Variants in MALRD1 observed in about 807,000 individuals in gnomAD.
MALRD1 encodes MAM and LDL receptor class A domain containing 1, also known as MAM and LDL-receptor class A domain-containing protein 1.
In MALRD1, 247 loss-of-function variants were observed where a neutral mutation model predicts 242.1. That is an observed-to-expected ratio of 1.02 (90% CI 0.92 to 1.13). The LOEUF is 1.13. MALRD1 is among the 50% of genes most tolerant of loss of function. The pLI is 0.00. For synonymous variants in MALRD1, 995 were observed against 866.6 expected (o/e 1.15, Z -2.60); for missense variants, 2,989 against 2,533.1 (o/e 1.18, Z -3.86).
rs1197670439 is a variant in MALRD1 at position 19,065,287 on chromosome 10, CAAAAAA to C, written c.200-1415_200-1410del. On this transcript the variant is annotated intron_variant, in intron 1 of 39. Transcript: ENST00000454679. ...GGGCAACAAGAGCAAAACGCTGTCT[CAAAAAA>C]AAAAAAAAAAAAAAAAGGAAGAAAG... Among the ~76,000 whole-genome samples, 4 of 50,632 alleles carry C rather than the reference CAAAAAA, an allele frequency of 7.9e-5. No individual in the cohort carries two copies. The South Asian group carries it at 3.4e-3, about 43-fold the overall frequency. The allele number at this position is 50,632 out of a possible 152,430, so 33.2% of individuals were successfully genotyped here. A position where few individuals can be genotyped will look rare whatever the true frequency, so the allele number is the denominator to read the frequency against.
intron 4 of MALRD1, among the ~76,000 whole-genome samples, chr10:19,099,030 C>T (rs1467467481): frequency 6.6e-6 from 1 of 152,132 alleles, no homozygotes; most frequent in Admixed American, 6.5e-5. Context: ...TTTTATTATG[C>T]AAATGGGTTC....
intron 21 of MALRD1, among the ~76,000 whole-genome samples, chr10:19,312,051 G>A (rs1842448554): frequency 1.3e-5 from 2 of 151,316 alleles, no homozygotes; most frequent in Non-Finnish European, 3.0e-5. Context: ...AGTTGCTGAT[G>A]AGCAAAGCTG....
intron 19 of MALRD1, among the ~76,000 whole-genome samples, chr10:19,258,265 T>C (rs1325384156): frequency 3.9e-5 from 6 of 152,104 alleles, no homozygotes; most frequent in African/African-American, 1.4e-4. Context: ...TTCCCCTAAC[T>C]CCAGACTCAT....
chr10:19,066,128 A>G (rs1202523852), intron 1 of MALRD1, among the ~76,000 whole-genome samples: 1 of 152,240 alleles, frequency 6.6e-6, no homozygotes, highest in African/African-American at 2.4e-5. Flanking sequence ...TCATCTTTAG[A>G]CAATTTACAA....
rs1465926142 is a variant in MALRD1, at chr10:19,283,576, C to A, written c.3419+395C>A. Among the ~76,000 whole-genome samples the A allele has an allele frequency of 2.6e-5, 4 of 152,192 alleles. No homozygotes were observed. The East Asian group carries it at 7.7e-4, about 29-fold the overall frequency. On this transcript the variant is annotated intron_variant, in intron 21 of 39. Coordinates refer to ENST00000454679, the MANE Select transcript of MALRD1 (RefSeq NM_001142308.3). ...TTCTTCAGCCTCCCTTTTTTCCCCT[C>A]CCCTTTCCCCTTTCTGTCTTCCTAC...
chr10:19,221,692 T>A (rs1837560975), intron 18 of MALRD1, among the ~76,000 whole-genome samples: 1 of 152,116 alleles, frequency 6.6e-6, no homozygotes, highest in Non-Finnish European at 1.5e-5. Flanking sequence ...TAAAGTCCTG[T>A]TAGACTTGTC....
intron 31 of MALRD1, among the ~76,000 whole-genome samples, chr10:19,498,895 C>A (rs1033466966): frequency 6.6e-6 from 1 of 152,102 alleles, no homozygotes; most frequent in Admixed American, 6.5e-5. Context: ...ACTCACTCTA[C>A]CCTAAGGGTG....
In MALRD1 at chr10:19,391,251, C is replaced by G. The variant is rs144061000; in HGVS notation, c.4845+1642C>G. ...ACACACACAAACATACACACACACACACTTAAAAAGTATATGCCTGTACTT... is the reference window on the plus strand; with the variant it reads ...ACACACACAAACATACACACACACAGACTTAAAAAGTATATGCCTGTACTT... On this transcript the variant is annotated intron_variant, in intron 28 of 39. Transcript: ENST00000454679. 3.2e-3 allele frequency among the ~76,000 whole-genome samples: 490 copies of G among 152,258 alleles called. 3 individuals carry two copies. The highest frequency in any genetic ancestry group is 0.011 in the African/African-American group (459 of 41,550).
chr10:19,590,264 A>G (rs1837695104), intron 33 of MALRD1, among the ~76,000 whole-genome samples: 1 of 148,422 alleles, frequency 6.7e-6, no homozygotes, highest in Non-Finnish European at 1.5e-5. Context: ...TATATAATAT[A>G]TGTATATATA....
intron 35 of MALRD1, 25 bp from the exon 36 acceptor site, chr10:19,615,832 G>C: frequency 6.8e-7 from 1 of 1,479,354 alleles, no homozygotes; most frequent in Non-Finnish European, 9.1e-7. Context: ...TAATTAACTG[G>C]TGTCTTTGTG....
intron 29 of MALRD1, among the ~76,000 whole-genome samples, chr10:19,464,143 T>C (rs899132360): frequency 1.1e-4 from 17 of 152,132 alleles, no homozygotes; most frequent in African/African-American, 4.1e-4. Context: ...ATTGTGAAGA[T>C]TTTTCTCCCA....
chr10:19,078,026 A>G (rs1835370576), intron 2 of MALRD1, among the ~76,000 whole-genome samples: 1 of 151,928 alleles, frequency 6.6e-6, no homozygotes, highest in Non-Finnish European at 1.5e-5. Context: ...ATGAAGATTT[A>G]ATGAGATAAT....
At chr10:19,049,288 G>C (rs1306420900) in intron 1 of MALRD1, among the ~76,000 whole-genome samples, 151 bp downstream of exon 1, 1 of 132,946 alleles carries the variant, frequency 7.5e-6, no homozygotes, top group Non-Finnish European at 1.7e-5. Flanking sequence ...AAGATATATT[G>C]TTTACTAAAG....
At chr10:19,714,721 G>A (rs1307049402) in intron 38 of MALRD1, among the ~76,000 whole-genome samples, 1 of 152,106 alleles carries the variant, frequency 6.6e-6, no homozygotes, top group East Asian at 1.9e-4. Context: ...GATGATAAAA[G>A]ACGGGAATCA....
chr10:19,048,351 A>G (rs577068556), upstream of MALRD1, among the ~76,000 whole-genome samples: 1 of 152,238 alleles, frequency 6.6e-6, no homozygotes, highest in Non-Finnish European at 1.5e-5. Flanking sequence ...ACTAGCACCC[A>G]TGGGCTATAG....
chr10:19,201,797 G>A (rs934400708), intron 14 of MALRD1, among the ~76,000 whole-genome samples: 4 of 151,790 alleles, frequency 2.6e-5, no homozygotes, highest in African/African-American at 7.3e-5. Flanking sequence ...TTGCTTTACC[G>A]AAGATTTCTA....
At chr10:19,247,051 G>C (rs1839087746) in intron 18 of MALRD1, among the ~76,000 whole-genome samples, 1 of 152,034 alleles carries the variant, frequency 6.6e-6, no homozygotes, top group Admixed American at 6.6e-5. Flanking sequence ...TATGATGAAA[G>C]ATGTTTAGCA....
At chr10:19,104,886 A>G (rs1309385037) in intron 5 of MALRD1, among the ~76,000 whole-genome samples, 1 of 151,996 alleles carries the variant, frequency 6.6e-6, no homozygotes, top group African/African-American at 2.4e-5. Flanking sequence ...GAAAAGTTTT[A>G]TTTTATTTTT....
At chr10:19,078,844 T>A (rs1018133080) in intron 2 of MALRD1, among the ~76,000 whole-genome samples, 9 of 151,834 alleles carry the variant, frequency 5.9e-5, no homozygotes, top group Non-Finnish European at 8.8e-5. Context: ...TTTATTTATG[T>A]AAGGTTAGAA....
Sources: gnomAD v4.1 joint callset for allele counts (sites outside exome capture counted in the v4.1 genomes callset) on GRCh38, gnomAD v4.1.1 for gene constraint, MANE v1.5 for transcripts, NCBI Gene and HGNC (gene_info 2026-07-23, HGNC 2026-07-21) for gene names.